The following ERBB4 variants were observed in gnomAD, a reference collection of about 807,000 sequenced individuals.
ERBB4 encodes erb-b2 receptor tyrosine kinase 4.
Under a neutral mutation model 158.0 loss-of-function variants are expected in ERBB4, and 42 were observed. The ratio of observed to expected loss-of-function variants is 0.27; its 90% CI spans 0.21 to 0.34. The LOEUF (loss-of-function observed/expected upper bound fraction) is 0.34. Among genes scored for constraint, ERBB4 ranks in the 10% least tolerant of loss-of-function variants. The pLI, the probability that ERBB4 is intolerant of heterozygous loss-of-function variation, is 1.00. For missense variants in ERBB4, 1,333 were observed against 1,624.1 expected, an observed-to-expected ratio of 0.82 and a Z score of 3.08; for synonymous variants, 583 against 558.7, an observed-to-expected ratio of 1.04 and a Z score of -0.61.
chr2:211,429,134 T>A (rs1345308750), intron 21 of ERBB4, among the ~76,000 whole-genome samples: 1 of 152,134 alleles, frequency 6.6e-6, no homozygotes, highest in Non-Finnish European at 1.5e-5. Flanking sequence ...ATATTATGAT[T>A]TATAATATTA....
chr2:212,524,101 T>C (rs1692318736), intron 1 of ERBB4, among the ~76,000 whole-genome samples: 1 of 151,984 alleles, frequency 6.6e-6, no homozygotes, highest in South Asian at 2.1e-4. Flanking sequence ...TGGCATCTCC[T>C]TATTTCTTTA....
At chr2:211,784,767 T>C (rs1295111754) in intron 4 of ERBB4, among the ~76,000 whole-genome samples, 1 of 152,226 alleles carries the variant, frequency 6.6e-6, no homozygotes, top group African/African-American at 2.4e-5. Context: ...TTTTCTTTTT[T>C]ATATTTTAAT....
rs916476708 is a variant in ERBB4, at chr2:211,863,322, G to T, written c.422-75163C>A. Among the ~76,000 whole-genome samples, 3 of 152,302 alleles carry T rather than the reference G, an allele frequency of 2.0e-5. No individual in the cohort carries two copies. In the East Asian group the frequency reaches 5.8e-4, roughly 29 times the overall value. On this transcript the variant is annotated intron_variant, in intron 3 of 27. Coordinates refer to ENST00000342788, the MANE Select transcript of ERBB4 (RefSeq NM_005235.3). Reference sequence around the variant, plus strand: ...CTCTGTAAAATGGACCAATCAGCAGGACATGAGCAGGGACAAATAAGGGAA... The same window carrying T: ...CTCTGTAAAATGGACCAATCAGCAGTACATGAGCAGGGACAAATAAGGGAA...
intron 1 of ERBB4, among the ~76,000 whole-genome samples, chr2:212,310,541 C>A (rs577643469): frequency 1.3e-5 from 2 of 150,204 alleles, no homozygotes; most frequent in Non-Finnish European, 3.0e-5. Flanking sequence ...CTTTGTCTGG[C>A]AGCTGTTCCC....
At chr2:211,708,612 TTCTCTCTCTCTCTCTC>T (rs60948715) in intron 9 of ERBB4, among the ~76,000 whole-genome samples, 1 of 116,576 alleles carries the variant, frequency 8.6e-6, no homozygotes, top group African/African-American at 2.8e-5. Context: ...GTTTCCATCC[TTCTCTCTCTCTCTCTC>T]TCTCTCTCTC....
At chr2:211,927,640 T>G (rs10497953) in intron 3 of ERBB4, among the ~76,000 whole-genome samples, 2 of 152,028 alleles carry the variant, frequency 1.3e-5, no homozygotes, top group African/African-American at 2.4e-5. Context: ...CTTTAAACTT[T>G]GGGAAACACA....
intron 2 of ERBB4, among the ~76,000 whole-genome samples, chr2:211,993,809 G>C (rs1303928953): frequency 6.6e-6 from 1 of 151,066 alleles, no homozygotes; most frequent in East Asian, 1.9e-4. Context: ...AAAAAACCTA[G>C]TAGATTCCAG....
At chr2:211,430,011 G>C (rs2063715641) in intron 21 of ERBB4, among the ~76,000 whole-genome samples, 1 of 136,184 alleles carries the variant, frequency 7.3e-6, no homozygotes, top group South Asian at 2.9e-4. Context: ...CAATTTGGTA[G>C]TAAACAAACA....
chr2:211,561,810 G>C lies in ERBB4; in HGVS notation c.2487+93C>G, dbSNP rs114031802. On this transcript the variant is annotated intron_variant, in intron 20 of 27. Coordinates refer to ENST00000342788, the MANE Select transcript of ERBB4 (RefSeq NM_005235.3). ...CAAATATACTTTATTTTATTTAAAT[G>C]GGAAGACAACATATTTTCAATATGA... 1.3e-4 allele frequency: 144 copies of C among 1,100,366 alleles called. No individual in the cohort carries two copies. The African/African-American group carries it at 2.0e-3, about 15-fold the overall frequency. 68.2% of individuals were successfully genotyped at this position (1,100,366 alleles called of 1,614,324 possible). A position where few individuals can be genotyped will look rare whatever the true frequency, so the allele number is the denominator to read the frequency against.
chr2:212,221,271 T>C (rs9288449), intron 1 of ERBB4, among the ~76,000 whole-genome samples: 86,460 of 151,306 alleles, frequency 0.57, 25,021 homozygotes, highest in East Asian at 0.76. Context: ...AAGAGACTCA[T>C]GTAATTACTA....
intron 19 of ERBB4, among the ~76,000 whole-genome samples, chr2:211,595,925 A>C (rs531327034): frequency 1.3e-5 from 2 of 152,316 alleles, no homozygotes; most frequent in South Asian, 4.1e-4. Context: ...GGATAACTGT[A>C]TGCAAAACAA....
chr2:211,440,014 T>G (rs1410623232), intron 20 of ERBB4, among the ~76,000 whole-genome samples: 4 of 152,146 alleles, frequency 2.6e-5, no homozygotes, highest in Non-Finnish European at 5.9e-5. Flanking sequence ...AACAGCCTCC[T>G]TGGGGCTTGA....
intron 20 of ERBB4, among the ~76,000 whole-genome samples, chr2:211,452,334 C>T (rs961115826): frequency 7.9e-5 from 12 of 152,058 alleles, no homozygotes; most frequent in Non-Finnish European, 1.5e-4. Context: ...CGTGCTATCA[C>T]GCCCGGCTAA....
chr2:211,967,939 T>C (rs1397457919), intron 2 of ERBB4, among the ~76,000 whole-genome samples: 1 of 151,972 alleles, frequency 6.6e-6, no homozygotes, highest in Admixed American at 6.6e-5. Context: ...GTGGGGATGT[T>C]AACTGTATAA....
intron 12 of ERBB4, among the ~76,000 whole-genome samples, chr2:211,684,481 AAAGAAGAAAAG>A (rs1265290181): frequency 6.6e-6 from 1 of 152,042 alleles, no homozygotes; most frequent in African/African-American, 2.4e-5. Flanking sequence ...AAAGAAAAGA[AAAGAAGAAAAG>A]AAAAGAAACC....
intron 5 of ERBB4, among the ~76,000 whole-genome samples, chr2:211,748,549 G>A (rs538629771): frequency 1.3e-5 from 2 of 152,240 alleles, no homozygotes; most frequent in South Asian, 2.1e-4. Context: ...CCAAATCTAA[G>A]CTCCTTCCTC....
At chr2:211,842,075 T>G (rs2077482515) in intron 3 of ERBB4, among the ~76,000 whole-genome samples, 2 of 152,066 alleles carry the variant, frequency 1.3e-5, no homozygotes, top group Admixed American at 6.6e-5. Flanking sequence ...TCAAAAGTGA[T>G]GGCAAAACAG....
chr2:211,476,000 A>T (rs73067292), intron 20 of ERBB4, among the ~76,000 whole-genome samples: 3,750 of 152,220 alleles, frequency 0.025, 141 homozygotes, highest in African/African-American at 0.086. Context: ...ACTCAAGTAT[A>T]TGGCAAAATA....
intron 1 of ERBB4, among the ~76,000 whole-genome samples, chr2:212,237,967 G>A (rs1257621054): frequency 6.6e-6 from 1 of 152,194 alleles, no homozygotes; most frequent in African/African-American, 2.4e-5. Context: ...TCAGACTGCT[G>A]TGCTGGCAGC....
Sources: allele counts gnomAD v4.1 joint callset (sites outside exome capture counted in the v4.1 genomes callset), GRCh38; gene constraint gnomAD v4.1.1; transcripts MANE v1.5; gene names NCBI Gene and HGNC (gene_info 2026-07-23, HGNC 2026-07-21).